Variants in VPS13C observed in about 807,000 individuals in gnomAD.
VPS13C encodes the protein vacuolar protein sorting 13 homolog C, also known as intermembrane lipid transfer protein VPS13C.
In VPS13C, 358 loss-of-function variants were observed where a neutral mutation model predicts 456.8. That is an observed-to-expected ratio of 0.78 (90% CI 0.72 to 0.86). The LOEUF is 0.86. Among genes scored for constraint, VPS13C ranks in the 40% least tolerant of loss-of-function variants. The probability of loss-of-function intolerance (pLI) is 0.00; values close to 1 mark genes in which losing one functional copy is unlikely to be tolerated. For synonymous variants in VPS13C, 1,578 were observed against 1,486.7 expected (o/e 1.06, Z -1.41); for missense variants, 4,818 against 4,385.4 (o/e 1.10, Z -2.79).
intron 79 of VPS13C, among the ~76,000 whole-genome samples, chr15:61,871,524 T>C (rs1895031388): frequency 6.6e-6 from 1 of 152,052 alleles, no homozygotes; most frequent in South Asian, 2.1e-4. Flanking sequence ...CAGTAAGTTT[T>C]CAATTTGGGA....
At chr15:61,940,891 A>C (rs2044398403) in intron 46 of VPS13C, 97 bp from the exon 47 acceptor site, 2 of 1,268,736 alleles carry the variant, frequency 1.6e-6, no homozygotes, top group Non-Finnish European at 1.1e-6. Flanking sequence ...CATTTCATAA[A>C]GGCTAAAAGC....
intron 64 of VPS13C, among the ~76,000 whole-genome samples, chr15:61,909,390 A>G (rs532055455): frequency 2.4e-4 from 37 of 152,198 alleles, no homozygotes; most frequent in Non-Finnish European, 5.1e-4. Context: ...GTACTTTTTA[A>G]TAGAGATGGG....
chr15:61,912,224 A>C (rs188659968), intron 62 of VPS13C, among the ~76,000 whole-genome samples: 306 of 152,342 alleles, frequency 2.0e-3, no homozygotes, highest in African/African-American at 6.8e-3. Flanking sequence ...ATCAATTAGT[A>C]ATTTAACTAA....
chr15:61,962,228 G>A (rs1339594508), intron 34 of VPS13C, 143 bp downstream of exon 34: 2 of 713,038 alleles, frequency 2.8e-6, no homozygotes, highest in Admixed American at 3.4e-5. Context: ...TTAAATAGGG[G>A]TTTTGATCTC....
intron 35 of VPS13C, among the ~76,000 whole-genome samples, chr15:61,960,599 A>G (rs940689036): frequency 1.7e-4 from 26 of 152,188 alleles, no homozygotes; most frequent in African/African-American, 6.3e-4. Context: ...AAAGTTAAAG[A>G]TGTCTATTCT....
chr15:61,962,972 A>G (rs2045260900), intron 32 of VPS13C, 120 bp from the exon 33 acceptor site: 3 of 640,574 alleles, frequency 4.7e-6, no homozygotes, highest in Admixed American at 3.5e-5. Context: ...TTCAACTCCC[A>G]ATGGATAAAT....
chr15:61,925,479 T>A lies in VPS13C; in HGVS notation c.6586A>T (p.Met2196Leu), dbSNP rs921162122. Reference protein sequence around the residue: ...WASGKQNINIMVKEFIIKISP... With the variant: ...WASGKQNINILVKEFIIKISP... ...ACCTTAATTATAAATTCTTTAACCA[T>A]AATATTTATATTTTGCTTTCCTGAA... is the stretch of plus-strand genomic sequence containing the variant. Residue 2196 changes from methionine (M) to leucine (L), a missense_variant, in exon 53 of 85, where the codon ATG (methionine) becomes TTG (leucine). Around this residue, in one of 3 missense-constraint regions of VPS13C, gnomAD observed 4,552 missense variants for 4,130.6 expected, o/e 1.10. Transcript: ENST00000644861. 6.3e-7 allele frequency: 1 copy of A among 1,590,126 alleles called. No individual in the cohort carries two copies. Among genetic ancestry groups the A allele is most frequent in the African/African-American group, 1.4e-5 (1 of 73,660 alleles).
At chr15:62,030,099 C>T (rs147944781) in intron 5 of VPS13C, among the ~76,000 whole-genome samples, 216 of 152,102 alleles carry the variant, frequency 1.4e-3, no homozygotes, top group African/African-American at 4.9e-3. Context: ...GTACAGAGTA[C>T]CAACAGATGG....
chr15:61,974,195 C>T, intron 25 of VPS13C, 93 bp downstream of exon 25: 2 of 1,252,078 alleles, frequency 1.6e-6, no homozygotes, highest in Non-Finnish European at 2.1e-6. Context: ...TACTTTTGGT[C>T]CTTTCACTTA....
In VPS13C at chr15:61,962,803, G is replaced by C; in HGVS notation, c.3381C>G (p.Ala1127=). Residue 1127 remains alanine (A), a synonymous_variant, in exon 33 of 85, where the codon GCC becomes GCG. Coordinates refer to ENST00000644861, the MANE Select transcript of VPS13C (RefSeq NM_020821.3). The part of the protein sequence containing the change: ...SLQSRKQSLF[A]RLENIIVTDV... ...CTGTGACAATAATATTTTCTAGTCG[G>C]GCAAAAAGTGACTGCTTTCTTGACT... 1 of 1,606,620 alleles carries C rather than the reference G, an allele frequency of 6.2e-7. No individual in the cohort carries two copies. The highest frequency in any genetic ancestry group is 8.5e-7 in the Non-Finnish European group (1 of 1,175,616).
chr15:61,910,373 A>G, intron 63 of VPS13C, 68 bp from the exon 64 acceptor site: 2 of 1,216,594 alleles, frequency 1.6e-6, no homozygotes, highest in Non-Finnish European at 2.1e-6. Flanking sequence ...ACATTACCTA[A>G]TTAAATTTTC....
intron 74 of VPS13C, 107 bp downstream of exon 74, chr15:61,878,500 A>G (rs1445343464): frequency 7.0e-7 from 1 of 1,425,824 alleles, no homozygotes; most frequent in Non-Finnish European, 9.4e-7. Context: ...TATAAGTAGT[A>G]AAGTTATCCT....
chr15:62,045,638 A>G (rs2048374026), intron 1 of VPS13C, among the ~76,000 whole-genome samples: 1 of 152,214 alleles, frequency 6.6e-6, no homozygotes, highest in South Asian at 2.1e-4. Flanking sequence ...GAGATAAAAT[A>G]TATATAACAG....
rs572078296 is a variant in VPS13C at position 61,927,744 on chromosome 15, C to T, written c.6287-424G>A. ...ATGCTGCTATAAAGACACATGCACA[C>T]GTATGTTTATTGCGGCACTATTCAC... On this transcript the variant is annotated intron_variant, in intron 51 of 84. Transcript: ENST00000644861. Among the ~76,000 whole-genome samples the T allele has an allele frequency of 9.9e-5, 15 of 152,216 alleles. No individual in the cohort carries two copies. In the South Asian group the frequency reaches 1.0e-3, roughly 11 times the overall value.
chr15:61,933,727 A>T (rs182347346), intron 49 of VPS13C, among the ~76,000 whole-genome samples: 52 of 152,182 alleles, frequency 3.4e-4, no homozygotes, highest in African/African-American at 1.2e-3. Context: ...TGGCTCTTCA[A>T]TTCTTTAATT....
chr15:62,005,034 G>C (rs559538572), intron 15 of VPS13C, among the ~76,000 whole-genome samples: 14 of 151,900 alleles, frequency 9.2e-5, no homozygotes, highest in Admixed American at 8.5e-4. Flanking sequence ...ATGTCTATTA[G>C]GTCCGCTTGG....
At chr15:61,989,254 G>C (rs999462794) in intron 18 of VPS13C, among the ~76,000 whole-genome samples, 2 of 151,572 alleles carry the variant, frequency 1.3e-5, no homozygotes, top group Admixed American at 1.3e-4. Context: ...CAAAAAATTA[G>C]CTGGGCATGG....
chr15:61,863,139 G>A (rs977315091), intron 82 of VPS13C, among the ~76,000 whole-genome samples: 2 of 151,820 alleles, frequency 1.3e-5, no homozygotes, highest in African/African-American at 4.8e-5. Context: ...CATGAAAAAG[G>A]GTATCACTAT....
At position 62,034,928 on chromosome 15, in the gene VPS13C, T is replaced by C. The variant is rs2414758; in HGVS notation, c.283+29A>G. The C allele has an allele frequency of 0.53, 755,808 of 1,427,538 alleles. 202,844 individuals are homozygous for C. The highest frequency in any genetic ancestry group is 0.67 in the Admixed American group (33,455 of 50,110). The allele number at this position is 1,427,538 out of a possible 1,614,324, so 88.4% of individuals were successfully genotyped here. Reference sequence around the variant, plus strand: ...ACAATTTAATTTCAATGTGATGTTATTGAATGGTTATAACCTAAAATAACA... The same window carrying C: ...ACAATTTAATTTCAATGTGATGTTACTGAATGGTTATAACCTAAAATAACA... On this transcript the variant is annotated intron_variant, in intron 4 of 84. Transcript: ENST00000644861.
Sources: gnomAD v4.1 joint callset for allele counts (sites outside exome capture counted in the v4.1 genomes callset) on GRCh38, gnomAD v4.1.1 for gene constraint, gnomAD v4.1.1 regional missense constraint, MANE v1.5 for transcripts, NCBI Gene and HGNC (gene_info 2026-07-23, HGNC 2026-07-21) for gene names.